Variants in LRRC28 observed in about 807,000 individuals in gnomAD.
LRRC28 encodes the protein leucine rich repeat containing 28, also known as leucine-rich repeat-containing protein 28.
A neutral mutation model predicts 45.7 loss-of-function variants in LRRC28; 39 were observed. The observed-to-expected ratio is 0.85, with a 90% CI of 0.66 to 1.12. The LOEUF is 1.12. Ranked by LOEUF, LRRC28 falls within the 50% of genes most tolerant of loss-of-function variation. The probability of loss-of-function intolerance (pLI) is 0.00; values close to 1 mark genes in which losing one functional copy is unlikely to be tolerated. For synonymous variants in LRRC28, 206 were observed against 178.8 expected, an observed-to-expected ratio of 1.15 and a Z score of -1.22; for missense variants, 435 against 438.5, an observed-to-expected ratio of 0.99 and a Z score of 0.07.
intron 5 of LRRC28, among the ~76,000 whole-genome samples, chr15:99,289,027 G>A (rs1221181092): frequency 6.6e-6 from 1 of 152,098 alleles, no homozygotes; most frequent in Non-Finnish European, 1.5e-5. Context: ...AAATTTAGTA[G>A]AACAATTTAA....
intron 5 of LRRC28, among the ~76,000 whole-genome samples, chr15:99,307,417 TG>T (rs1380587630): frequency 2.6e-5 from 4 of 152,222 alleles, no homozygotes; most frequent in Non-Finnish European, 5.9e-5. Context: ...TTAACTGAAG[TG>T]GTCAGAACAT....
At chr15:99,282,772 A>G (rs1479909893) in intron 3 of LRRC28, among the ~76,000 whole-genome samples, 3 of 152,244 alleles carry the variant, frequency 2.0e-5, no homozygotes, top group Non-Finnish European at 4.4e-5. Flanking sequence ...TATCCCAGTC[A>G]TTAAGTGGCA....
At chr15:99,354,511 A>G (rs1331002626) in intron 7 of LRRC28, among the ~76,000 whole-genome samples, 2 of 152,214 alleles carry the variant, frequency 1.3e-5, no homozygotes, top group Non-Finnish European at 2.9e-5. Flanking sequence ...GTAAAAGGAC[A>G]TACGTGTGTT....
At chr15:99,348,246 G>A (rs1372253776) in intron 6 of LRRC28, among the ~76,000 whole-genome samples, 1 of 151,974 alleles carries the variant, frequency 6.6e-6, no homozygotes, top group East Asian at 1.9e-4. Context: ...TTTGTTAATT[G>A]TTTTCTTTGC....
At chr15:99,262,590 T>A (rs553495374) in intron 2 of LRRC28, among the ~76,000 whole-genome samples, 13 of 152,114 alleles carry the variant, frequency 8.5e-5, no homozygotes, top group South Asian at 2.1e-4. Context: ...TCAAAAAAAA[T>A]TTTTTTAAAG....
intron 3 of LRRC28, chr15:99,286,599 T>A (rs1196790843): frequency 6.6e-6 from 1 of 152,248 alleles, no homozygotes; most frequent in African/African-American, 2.4e-5. Context: ...TTGCAGGAAG[T>A]CTCCACCAGA....
Position 99,259,027 on chromosome 15 carries a change from G to T in LRRC28, c.168+2902G>T. On this transcript the variant is annotated intron_variant, in intron 2 of 9. Transcript: ENST00000301981. The stretch of plus-strand genomic sequence containing the variant: ...AACTTGTTCATAAAACTCTGGACAT[G>T]ATCAAGAAGATTGCTGATGAGAAAT... 3.7e-6 allele frequency: 3 copies of T among 817,308 alleles called. No individual in the cohort carries two copies. In the South Asian group the frequency reaches 4.0e-5, roughly 11 times the overall value. The allele number at this position is 817,308 out of a possible 1,614,324, so 50.6% of individuals were successfully genotyped here.
intron 5 of LRRC28, among the ~76,000 whole-genome samples, chr15:99,311,395 C>A (rs1955405017): frequency 6.6e-6 from 1 of 152,160 alleles, no homozygotes. Flanking sequence ...TTCTAATTTT[C>A]TTCACAATTT....
chr15:99,261,565 C>T (rs2152129270), intron 2 of LRRC28, among the ~76,000 whole-genome samples: 1 of 152,282 alleles, frequency 6.6e-6, no homozygotes, highest in East Asian at 1.9e-4. Flanking sequence ...TTAAAGGACA[C>T]TAATTCCATT....
intron 1 of LRRC28, among the ~76,000 whole-genome samples, chr15:99,254,222 A>G (rs1465472991): frequency 6.6e-6 from 1 of 152,246 alleles, no homozygotes. Context: ...ACATTAATAT[A>G]TCTCATAAAA....
intron 9 of LRRC28, among the ~76,000 whole-genome samples, chr15:99,363,660 CTGTA>C (rs1292768288): frequency 6.6e-6 from 1 of 152,224 alleles, no homozygotes; most frequent in Non-Finnish European, 1.5e-5. Context: ...ATTGAGTTCT[CTGTA>C]TGTGTGTGTG....
chr15:99,385,638 A>G (rs2152563501), intron 9 of LRRC28, among the ~76,000 whole-genome samples: 1 of 152,348 alleles, frequency 6.6e-6, no homozygotes, highest in South Asian at 2.1e-4. Context: ...GTTCTGGCTA[A>G]ATTGGAGACA....
Position 99,334,004 on chromosome 15 carries a change from G to A in LRRC28, c.467G>A (p.Cys156Tyr). ...ACTTTACCCGAGAGGCTTCACATGT[G>A]CCTTTCTCTGCAGTACCTCACTGTG... ...LLTLPERLHMCLSLQYLTVDR... is the reference protein window; with the variant it reads ...LLTLPERLHMYLSLQYLTVDR... The change falls in exon 6 of 10, where the codon TGC becomes TAC. Residue 156 changes from cysteine to tyrosine, a missense_variant. By Grantham distance (194) the Cys-to-Tyr change is radical. Coordinates refer to ENST00000301981, the MANE Select transcript of LRRC28 (RefSeq NM_144598.5). 1.2e-6 allele frequency: 2 copies of A among 1,614,116 alleles called. No homozygotes were observed. The highest frequency in any genetic ancestry group is 8.5e-7 in the Non-Finnish European group (1 of 1,180,014).
chr15:99,259,815 C>A, intron 2 of LRRC28: 2 of 900,600 alleles, frequency 2.2e-6, no homozygotes, highest in Non-Finnish European at 3.8e-6. Context: ...TTTTACCAGA[C>A]ACTAAAGCAT....
chr15:99,303,507 G>A (rs534920781), intron 5 of LRRC28, among the ~76,000 whole-genome samples: 1 of 152,200 alleles, frequency 6.6e-6, no homozygotes, highest in African/African-American at 2.4e-5. Context: ...AGTTCAAGGA[G>A]AATCCCTAGA....
chr15:99,259,179 C>T, intron 2 of LRRC28: 1 of 1,133,852 alleles, frequency 8.8e-7, no homozygotes, highest in Non-Finnish European at 1.3e-6. Flanking sequence ...GCTGACATTA[C>T]TAGCCTACAC....
chr15:99,298,654 T>C (rs1407233429), intron 5 of LRRC28, among the ~76,000 whole-genome samples: 1 of 152,194 alleles, frequency 6.6e-6, no homozygotes, highest in Admixed American at 6.5e-5. Flanking sequence ...TTTAATCTTT[T>C]CAAGTGAATT....
chr15:99,299,901 CA>C (rs1335383212), intron 5 of LRRC28, among the ~76,000 whole-genome samples: 1 of 152,014 alleles, frequency 6.6e-6, no homozygotes, highest in Non-Finnish European at 1.5e-5. Flanking sequence ...AGGAAGCACT[CA>C]AAAAATGAGT....
At chr15:99,267,453 G>A (rs919685858) in intron 2 of LRRC28, among the ~76,000 whole-genome samples, 2 of 152,220 alleles carry the variant, frequency 1.3e-5, no homozygotes, top group Non-Finnish European at 2.9e-5. Flanking sequence ...TCCAGAGCAA[G>A]GACTTCTTGT....
Sources: gnomAD v4.1 joint callset for allele counts (sites outside exome capture counted in the v4.1 genomes callset) on GRCh38, gnomAD v4.1.1 for gene constraint, MANE v1.5 for transcripts, NCBI Gene and HGNC (gene_info 2026-07-23, HGNC 2026-07-21) for gene names.